The following SPAG16 variants were observed in gnomAD, a reference collection of about 807,000 sequenced individuals.
SPAG16 encodes the protein sperm-associated antigen 16 protein.
Under a neutral mutation model 80.4 loss-of-function variants are expected in SPAG16, and 86 were observed. The ratio of observed to expected loss-of-function variants is 1.07; its 90% confidence interval spans 0.90 to 1.28. The LOEUF (loss-of-function observed/expected upper bound fraction) is 1.28, where lower values mean the gene tolerates loss of function less well. SPAG16 is among the 50% of genes most tolerant of loss of function. The pLI, the probability that SPAG16 is intolerant of heterozygous loss-of-function variation, is 0.00. For missense variants in SPAG16, 870 were observed against 765.3 expected (o/e 1.14, Z -1.61); for synonymous variants, 294 against 265.9 (o/e 1.11, Z -1.03).
At chr2:213,305,474 G>A (rs1204113528) in intron 3 of SPAG16, among the ~76,000 whole-genome samples, 1 of 152,066 alleles carries the variant, frequency 6.6e-6, no homozygotes, top group East Asian at 1.9e-4. Context: ...CCCATTCAGT[G>A]TGATACTACC....
chr2:213,711,524 TC>T (rs1226399853), intron 10 of SPAG16, among the ~76,000 whole-genome samples: 1 of 150,902 alleles, frequency 6.6e-6, no homozygotes, highest in African/African-American at 2.5e-5. Flanking sequence ...CAATTTTCTT[TC>T]CTTTTTTTTT....
intron 10 of SPAG16, among the ~76,000 whole-genome samples, chr2:213,782,164 A>G (rs2070026027): frequency 6.6e-6 from 1 of 151,086 alleles, no homozygotes; most frequent in African/African-American, 2.4e-5. Context: ...TGTACTCTAA[A>G]CTGTAATAGT....
intron 10 of SPAG16, among the ~76,000 whole-genome samples, chr2:213,630,276 C>T (rs543990771): frequency 7.3e-5 from 11 of 151,650 alleles, no homozygotes; most frequent in Non-Finnish European, 1.5e-4. Context: ...CCGAGCTACT[C>T]GGGAGGCTGA....
At chr2:213,391,234 C>A (rs2067734084) in intron 9 of SPAG16, among the ~76,000 whole-genome samples, 1 of 152,094 alleles carries the variant, frequency 6.6e-6, no homozygotes, top group Non-Finnish European at 1.5e-5. Context: ...CGCCACTGCA[C>A]TCCAACCTGG....
intron 13 of SPAG16, among the ~76,000 whole-genome samples, chr2:214,095,747 CA>C (rs2125337295): frequency 6.6e-6 from 1 of 151,834 alleles, no homozygotes; most frequent in Non-Finnish European, 1.5e-5. Context: ...TTCAGTTATG[CA>C]AGATGAAAAA....
intron 9 of SPAG16, among the ~76,000 whole-genome samples, chr2:213,469,821 C>T (rs1010118988): frequency 5.3e-5 from 8 of 152,192 alleles, no homozygotes; most frequent in South Asian, 2.1e-4. Flanking sequence ...CATCAGCCAA[C>T]GCTGTAACTC....
chr2:213,629,032 A>C (rs2062053489), intron 10 of SPAG16, among the ~76,000 whole-genome samples: 1 of 152,198 alleles, frequency 6.6e-6, no homozygotes, highest in South Asian at 2.1e-4. Context: ...ACAGTGTTTT[A>C]AGAGCTCTGA....
chr2:213,988,210 A>G (rs2046112191), intron 12 of SPAG16, among the ~76,000 whole-genome samples: 1 of 152,148 alleles, frequency 6.6e-6, no homozygotes, highest in Non-Finnish European at 1.5e-5. Context: ...ACAGAAAGTC[A>G]GTAAAGATAT....
intron 10 of SPAG16, among the ~76,000 whole-genome samples, chr2:213,498,146 G>T (rs1037585179): frequency 5.3e-5 from 8 of 152,058 alleles, no homozygotes; most frequent in Non-Finnish European, 8.8e-5. Context: ...ATTAAAGGTG[G>T]CAAGACATGG....
chr2:214,280,234 A>G (rs1473853348), intron 15 of SPAG16, among the ~76,000 whole-genome samples: 1 of 152,232 alleles, frequency 6.6e-6, no homozygotes, highest in Non-Finnish European at 1.5e-5. Flanking sequence ...AATAAAGAAG[A>G]CATAGAGAGC....
chr2:214,167,992 C>T (rs985796674), intron 15 of SPAG16, among the ~76,000 whole-genome samples: 10 of 133,472 alleles, frequency 7.5e-5, no homozygotes, highest in East Asian at 2.6e-4. Flanking sequence ...TTTTCTTTTT[C>T]TCTTTTTTTT....
intron 11 of SPAG16, among the ~76,000 whole-genome samples, chr2:213,925,778 T>TGTA (rs2078442258): frequency 6.6e-6 from 1 of 152,246 alleles, no homozygotes; most frequent in East Asian, 1.9e-4. Flanking sequence ...TTAGAGATAA[T>TGTA]GTAGTCATCT....
At chr2:213,680,649 T>G (rs1426339398) in intron 10 of SPAG16, among the ~76,000 whole-genome samples, 3 of 152,136 alleles carry the variant, frequency 2.0e-5, no homozygotes. Flanking sequence ...TTCCTAATAA[T>G]TGTCAACAAA....
intron 15 of SPAG16, among the ~76,000 whole-genome samples, chr2:214,288,886 A>G (rs866904168): frequency 6.6e-6 from 1 of 152,002 alleles, no homozygotes; most frequent in Admixed American, 6.6e-5. Flanking sequence ...CTTCTGCCTC[A>G]GCCTCTCGAG....
At chr2:214,252,905 T>G (rs1183390514) in intron 15 of SPAG16, among the ~76,000 whole-genome samples, 1 of 152,104 alleles carries the variant, frequency 6.6e-6, no homozygotes, top group Non-Finnish European at 1.5e-5. Context: ...GAGTTTACAG[T>G]CCCACCAACA....
intron 10 of SPAG16, among the ~76,000 whole-genome samples, chr2:213,699,423 G>T (rs1021049705): frequency 6.6e-6 from 1 of 152,082 alleles, no homozygotes; most frequent in Non-Finnish European, 1.5e-5. Context: ...CTAGTGGCAG[G>T]CCTGCAGGCC....
chr2:213,374,904 T>A (rs934112090), intron 8 of SPAG16, 106 bp from the exon 9 acceptor site: 76 of 739,330 alleles, frequency 1.0e-4, no homozygotes, highest in Admixed American at 1.6e-4. Flanking sequence ...ATGAATTTTT[T>A]AAAAATACAT....
chr2:213,608,863 T>A (rs994927966), intron 10 of SPAG16, among the ~76,000 whole-genome samples: 5 of 152,194 alleles, frequency 3.3e-5, no homozygotes, highest in Admixed American at 2.6e-4. Flanking sequence ...TTTTTGCATT[T>A]TCAGTAGAGA....
In SPAG16 at chr2:213,371,577, A is replaced by G. The variant is rs547608429; in HGVS notation, c.833-3433A>G. ...CATTTACCCATTCATCCACCCATCC[A>G]TCTATCCATTTATTTTCGGCAGAAG... On this transcript the variant is annotated intron_variant, in intron 8 of 15. Coordinates refer to ENST00000331683, the MANE Select transcript of SPAG16 (RefSeq NM_024532.5). 3.9e-5 allele frequency among the ~76,000 whole-genome samples: 6 copies of G among 152,138 alleles called. No individual in the cohort carries two copies. In the East Asian group the frequency reaches 9.7e-4, roughly 24 times the overall value.
Sources: gnomAD v4.1 joint callset for allele counts (sites outside exome capture counted in the v4.1 genomes callset) on GRCh38, gnomAD v4.1.1 for gene constraint, MANE v1.5 for transcripts, NCBI Gene and HGNC (gene_info 2026-07-23, HGNC 2026-07-21) for gene names.